The following SULF1 variants were observed in gnomAD, a reference collection of about 807,000 sequenced individuals.
The protein encoded by SULF1 is sulfatase 1.
SULF1 carries 46 observed loss-of-function variants against 110.5 expected under a neutral mutation model. The ratio of observed to expected loss-of-function variants is 0.42; its 90% CI spans 0.33 to 0.53. SULF1 has a LOEUF of 0.53. Among genes scored for constraint, SULF1 ranks in the 20% least tolerant of loss-of-function variants. The probability of loss-of-function intolerance (pLI) is 0.12; values close to 1 mark genes in which losing one functional copy is unlikely to be tolerated. For missense variants in SULF1, 941 were observed against 1,094.2 expected (o/e 0.86, Z 1.98); for synonymous variants, 371 against 387.1 (o/e 0.96, Z 0.49).
At chr8:69,522,776 G>T (rs1812395293) in intron 3 of SULF1, among the ~76,000 whole-genome samples, 2 of 152,168 alleles carry the variant, frequency 1.3e-5, no homozygotes, top group African/African-American at 4.8e-5. Flanking sequence ...GTTATCAACT[G>T]CATGTGGCAG....
intron 6 of SULF1, among the ~76,000 whole-genome samples, chr8:69,582,477 CAT>C (rs1210991767): frequency 6.6e-6 from 1 of 152,172 alleles, no homozygotes; most frequent in African/African-American, 2.4e-5. Flanking sequence ...CAGCGCTTTA[CAT>C]ATGTGTTGAT....
At chr8:69,486,731 T>C (rs1809727902) in intron 1 of SULF1, among the ~76,000 whole-genome samples, 1 of 152,136 alleles carries the variant, frequency 6.6e-6, no homozygotes, top group African/African-American at 2.4e-5. Context: ...GCCCAAGTGC[T>C]CATGTCTCAG....
intron 3 of SULF1, among the ~76,000 whole-genome samples, chr8:69,558,659 G>A (rs972131953): frequency 3.3e-5 from 5 of 152,192 alleles, no homozygotes; most frequent in African/African-American, 1.2e-4. Context: ...TGAGAAGCTT[G>A]TGACTAGGGC....
intron 3 of SULF1, among the ~76,000 whole-genome samples, chr8:69,558,405 T>G (rs775787344): frequency 2.0e-5 from 3 of 152,230 alleles, no homozygotes; most frequent in Non-Finnish European, 2.9e-5. Context: ...AACTATAAAG[T>G]GCCATTGCTT....
chr8:69,564,058 C>A lies in SULF1; in HGVS notation c.83C>A (p.Pro28Gln), dbSNP rs376825615. ...AGCCTCTGTTCGACTGTCAGATCCC[C>A]GAGGTTCAGAGGACGGATACAGCAG... ...LGSLCSTVRS[P>Q]RFRGRIQQER... Residue 28 changes from proline to glutamine, a missense_variant, in exon 5 of 23, where the codon CCG (proline) becomes CAG (glutamine). Transcript: ENST00000402687. 6.2e-7 allele frequency: 1 copy of A among 1,614,102 alleles called. No individual in the cohort carries two copies. Among genetic ancestry groups the A allele is most frequent in the Admixed American group, 1.7e-5 (1 of 60,012 alleles).
At chr8:69,652,846 T>G (rs1406752879) in intron 22 of SULF1, among the ~76,000 whole-genome samples, 1 of 152,188 alleles carries the variant, frequency 6.6e-6, no homozygotes, top group Non-Finnish European at 1.5e-5. Context: ...TTTCTGTCCA[T>G]ACATCTTCTT....
chr8:69,478,195 A>G, intron 1 of SULF1, among the ~76,000 whole-genome samples: 1 of 152,170 alleles, frequency 6.6e-6, no homozygotes, highest in Non-Finnish European at 1.5e-5. Flanking sequence ...TGGAGGAAAG[A>G]GGAAGGACTT....
At chr8:69,470,581 G>A (rs1007732636) in intron 1 of SULF1, among the ~76,000 whole-genome samples, 6 of 151,822 alleles carry the variant, frequency 4.0e-5, no homozygotes, top group South Asian at 2.1e-4. Context: ...CCATCCCAGC[G>A]CAATGATCAT....
Position 69,603,328 on chromosome 8 carries a change from A to G in SULF1, c.1190+8A>G, listed in dbSNP as rs1234328748. On this transcript the variant is annotated splice_region_variant and intron_variant, in intron 11 of 22. Coordinates refer to ENST00000402687, the MANE Select transcript of SULF1 (RefSeq NM_001128205.2). ...AGAAAAGCCAGGTAACAGGTGTGTC[A>G]TTGTTCCTCCTCTCAGCCAGCCCCA... 2 of 1,613,830 alleles carry G rather than the reference A, an allele frequency of 1.2e-6. No homozygotes were observed. The highest frequency in any genetic ancestry group is 1.7e-5 in the Admixed American group (1 of 59,994).
At chr8:69,586,568 A>G in intron 7 of SULF1, 60 bp downstream of exon 7, 5 of 1,542,844 alleles carry the variant, frequency 3.2e-6, no homozygotes, top group Non-Finnish European at 3.5e-6. Flanking sequence ...GGGAAAAGCC[A>G]TTTTCAGTGA....
At chr8:69,497,099 T>C (rs1810414434) in intron 2 of SULF1, among the ~76,000 whole-genome samples, 1 of 152,114 alleles carries the variant, frequency 6.6e-6, no homozygotes, top group South Asian at 2.1e-4. Context: ...AAAAGCAGTT[T>C]GGAACCAGTT....
intron 3 of SULF1, among the ~76,000 whole-genome samples, chr8:69,515,011 TTGTAGG>T (rs1811826492): frequency 2.0e-5 from 3 of 152,150 alleles, no homozygotes; most frequent in Admixed American, 2.0e-4. Flanking sequence ...CCTGTGGCTT[TTGTAGG>T]TGCAGAGTGC....
chr8:69,603,478 T>G, intron 11 of SULF1, 122 bp from the exon 12 acceptor site: 1 of 1,318,654 alleles, frequency 7.6e-7, no homozygotes, highest in Non-Finnish European at 1.1e-6. Flanking sequence ...AATAGCATAT[T>G]GATGGAGATG....
rs1343319523 is a variant in SULF1 at position 69,660,682 on chromosome 8, GTACA to G, written c.*2150_*2153del. ...ACTTTAAATCTTTATCATAGACTCT[GTACA>G]TATGTTCAAATTAGCTGCTTGCCTG... On this transcript the variant is annotated 3_prime_UTR_variant, in exon 23 of 23. Coordinates refer to ENST00000402687, the MANE Select transcript of SULF1 (RefSeq NM_001128205.2). The G allele has an allele frequency of 6.6e-6, 1 of 152,558 alleles. No homozygotes were observed. Among genetic ancestry groups the G allele is most frequent in the Non-Finnish European group, 1.5e-5 (1 of 68,030 alleles). 9.5% of individuals were successfully genotyped at this position (152,558 alleles called of 1,614,324 possible).
At chr8:69,524,654 A>G (rs541209460) in intron 3 of SULF1, among the ~76,000 whole-genome samples, 19 of 152,224 alleles carry the variant, frequency 1.2e-4, no homozygotes, top group Non-Finnish European at 1.8e-4. Context: ...TCACATTTGC[A>G]TTGAATATCC....
chr8:69,539,351 T>C (rs1384384198), intron 3 of SULF1, among the ~76,000 whole-genome samples: 6 of 152,196 alleles, frequency 3.9e-5, no homozygotes, highest in South Asian at 4.1e-4. Flanking sequence ...CTTTTAAAGA[T>C]GAAAGATCTC....
intron 3 of SULF1, among the ~76,000 whole-genome samples, chr8:69,528,409 T>G (rs2150634067): frequency 6.6e-6 from 1 of 152,298 alleles, no homozygotes; most frequent in South Asian, 2.1e-4. Context: ...CAGACGTGGA[T>G]TCCAATCTCT....
At position 69,630,751 on chromosome 8, in the gene SULF1, AAAAG is replaced by A. The variant is rs546645150; in HGVS notation, c.2284+1077_2284+1080del. 1.3e-4 allele frequency among the ~76,000 whole-genome samples: 20 copies of A among 152,350 alleles called. 1 individual carries two copies. In the East Asian group the frequency reaches 3.9e-3, roughly 29 times the overall value. On this transcript the variant is annotated intron_variant, in intron 19 of 22. Coordinates refer to ENST00000402687, the MANE Select transcript of SULF1 (RefSeq NM_001128205.2). ...ATTTTAATGGGGTACAGGTAGAAAA[AAAAG>A]AAAGTAAATGAAACAAAATAATTAT...
At position 69,636,694 on chromosome 8, in the gene SULF1, G is replaced by A. The variant is rs148025695; in HGVS notation, c.2285-1808G>A. Among the ~76,000 whole-genome samples, 532 of 152,328 alleles carry A rather than the reference G, an allele frequency of 3.5e-3. 4 individuals carry two copies. Among genetic ancestry groups the A allele is most frequent in the African/African-American group, 0.012 (511 of 41,576 alleles). On this transcript the variant is annotated intron_variant, in intron 19 of 22. Transcript: ENST00000402687. Reference sequence around the variant, plus strand: ...GAGAGGTCAGGTGAATACAGCAGATGAGGCAAAACTTCGTAGCCCAATTTG... The same window carrying A: ...GAGAGGTCAGGTGAATACAGCAGATAAGGCAAAACTTCGTAGCCCAATTTG...
Sources: allele counts gnomAD v4.1 joint callset (sites outside exome capture counted in the v4.1 genomes callset), GRCh38; gene constraint gnomAD v4.1.1; transcripts MANE v1.5; gene names NCBI Gene and HGNC (gene_info 2026-07-23, HGNC 2026-07-21).